The following ATG2B variants were observed in gnomAD, a reference collection of about 807,000 sequenced individuals.
ATG2B encodes autophagy related 2B.
ATG2B carries 121 observed loss-of-function variants against 241.3 expected under a neutral mutation model. The ratio of observed to expected loss-of-function variants is 0.50; its 90% confidence interval spans 0.43 to 0.58. The LOEUF is 0.58. Ranked by LOEUF, ATG2B falls within the 20% of genes least tolerant of loss-of-function variation. ATG2B has a pLI of 0.00. For synonymous variants in ATG2B, 858 were observed against 876.6 expected, an observed-to-expected ratio of 0.98 and a Z score of 0.37; for missense variants, 2,306 against 2,491.6, an observed-to-expected ratio of 0.93 and a Z score of 1.59.
At chr14:96,344,006 T>C (rs1888110166) in intron 4 of ATG2B, among the ~76,000 whole-genome samples, 1 of 152,244 alleles carries the variant, frequency 6.6e-6, no homozygotes, top group African/African-American at 2.4e-5. Context: ...TTCATCCTGC[T>C]CATTTCTGTT....
chr14:96,311,196 T>C lies in ATG2B; in HGVS notation c.4082A>G (p.Gln1361Arg). The stretch of plus-strand genomic sequence containing the variant: ...CAAGTCACCATAGCTTGCAATGTAC[T>C]GAATGAGATTCATTAACGCAGCACA... ...DSCAALMNLI[Q>R]YIASYGDLQT... Residue 1361 changes from glutamine to arginine, a missense_variant, in exon 28 of 42, where the codon CAG becomes CGG. Around this residue, in one of 2 missense-constraint regions of ATG2B, gnomAD observed 1,927 missense variants for 2,011.2 expected, o/e 0.96. Transcript: ENST00000359933. 1.9e-6 allele frequency: 3 copies of C among 1,614,074 alleles called. No homozygotes were observed. Among genetic ancestry groups the C allele is most frequent in the Non-Finnish European group, 2.5e-6 (3 of 1,179,932 alleles).
intron 34 of ATG2B, among the ~76,000 whole-genome samples, chr14:96,295,891 A>G (rs1377136588): frequency 1.3e-5 from 2 of 152,236 alleles, no homozygotes; most frequent in Non-Finnish European, 2.9e-5. Context: ...TTAGAAATGG[A>G]GCACTCTCAC....
intron 4 of ATG2B, 58 bp from the exon 5 acceptor site, chr14:96,343,339 T>A: frequency 7.6e-7 from 1 of 1,320,856 alleles, no homozygotes; most frequent in Admixed American, 2.4e-5. Context: ...CGCACCAGCA[T>A]GGCACATGTA....
intron 1 of ATG2B, among the ~76,000 whole-genome samples, chr14:96,353,636 CA>C (rs1888393832): frequency 7.7e-6 from 1 of 129,694 alleles, no homozygotes. Context: ...AAAAAAATTT[CA>C]TATTTTATAT....
At position 96,347,057 on chromosome 14, in the gene ATG2B, T is replaced by G. The variant is rs538437550; in HGVS notation, c.325+122A>C. The stretch of plus-strand genomic sequence containing the variant: ...CATTCTACAAAGAGCCAAGTCGTAA[T>G]GTATTATCAACTGAAAATTTCACAA... On this transcript the variant is annotated intron_variant, in intron 2 of 41. Coordinates refer to ENST00000359933, the MANE Select transcript of ATG2B (RefSeq NM_018036.7). 5 of 783,068 alleles carry G rather than the reference T, an allele frequency of 6.4e-6. No individual in the cohort carries two copies. In the African/African-American group the frequency reaches 6.9e-5, roughly 11 times the overall value. The allele number at this position is 783,068 out of a possible 1,614,324, so 48.5% of individuals were successfully genotyped here.
intron 34 of ATG2B, 100 bp downstream of exon 34, chr14:96,301,907 C>T (rs1436952333): frequency 8.9e-6 from 8 of 902,152 alleles, no homozygotes; most frequent in South Asian, 5.0e-5. Flanking sequence ...TATATGTAAC[C>T]GCCATAAAAG....
At chr14:96,331,786 ACTG>A (rs1336873531) in intron 10 of ATG2B, 149 bp from the exon 11 acceptor site, 4 of 678,958 alleles carry the variant, frequency 5.9e-6, no homozygotes, top group East Asian at 5.8e-5. Flanking sequence ...AGTAAAATCA[ACTG>A]CTATCTTGCT....
intron 1 of ATG2B, among the ~76,000 whole-genome samples, chr14:96,354,292 C>A (rs1947167770): frequency 6.6e-6 from 1 of 152,192 alleles, no homozygotes; most frequent in African/African-American, 2.4e-5. Context: ...CACTCCTCAC[C>A]CTCTGACAGG....
At chr14:96,309,774 A>G (rs1370057760) in intron 28 of ATG2B, among the ~76,000 whole-genome samples, 180 bp from the exon 29 acceptor site, 1 of 152,194 alleles carries the variant, frequency 6.6e-6, no homozygotes, top group African/African-American at 2.4e-5. Context: ...CACCCTAACA[A>G]ATACTGGCAA....
chr14:96,306,633 A>G (rs1886956698), intron 30 of ATG2B, 81 bp downstream of exon 30: 2 of 1,239,144 alleles, frequency 1.6e-6, no homozygotes, highest in Non-Finnish European at 2.2e-6. Flanking sequence ...TTACAAAATC[A>G]ACAGAATTTT....
intron 35 of ATG2B, 136 bp downstream of exon 35, chr14:96,295,346 A>G: frequency 1.2e-6 from 1 of 852,402 alleles, no homozygotes; most frequent in Non-Finnish European, 1.8e-6. Context: ...GTATTCGCGA[A>G]TCAACAAAAA....
rs561454528 is a variant in ATG2B, at chr14:96,292,108, AAGG to A, written c.5427-13_5427-11del. 1,296 of 1,573,100 alleles carry A rather than the reference AAGG, an allele frequency of 8.2e-4. 2 individuals are homozygous for A. Among genetic ancestry groups the A allele is most frequent in the Non-Finnish European group, 5.3e-4 (612 of 1,153,886 alleles). On this transcript the variant is annotated splice_polypyrimidine_tract_variant and intron_variant, in intron 36 of 41. Transcript: ENST00000359933. ...CGTGAATCTAAATTCTCTGAAGATAAAGGAAGGAGGGAGTTATTTACATTTACA... is the reference window on the plus strand; with the variant it reads ...CGTGAATCTAAATTCTCTGAAGATAAAAGGAGGGAGTTATTTACATTTACA...
chr14:96,298,173 C>T (rs775534254), intron 34 of ATG2B, among the ~76,000 whole-genome samples: 1 of 152,130 alleles, frequency 6.6e-6, no homozygotes, highest in Non-Finnish European at 1.5e-5. Context: ...GGCTAATAAG[C>T]ACATAAAAAG....
intron 6 of ATG2B, among the ~76,000 whole-genome samples, chr14:96,338,184 T>C (rs927808575): frequency 6.6e-6 from 1 of 152,116 alleles, no homozygotes; most frequent in African/African-American, 2.4e-5. Flanking sequence ...AGGAGCCTTT[T>C]TGATGAGTCT....
intron 19 of ATG2B, 148 bp from the exon 20 acceptor site, chr14:96,317,465 T>C (rs569365346): frequency 1.5e-5 from 12 of 787,156 alleles, no homozygotes; most frequent in African/African-American, 1.2e-4. Flanking sequence ...CTCTTTAGCT[T>C]TGAACTTCAA....
intron 23 of ATG2B, 34 bp downstream of exon 23, chr14:96,315,120 A>T: frequency 6.6e-7 from 1 of 1,520,442 alleles, no homozygotes; most frequent in Non-Finnish European, 9.0e-7. Flanking sequence ...ACAAATTTTT[A>T]AATAAATTAA....
At chr14:96,357,729 G>A in intron 1 of ATG2B, among the ~76,000 whole-genome samples, 1 of 151,448 alleles carries the variant, frequency 6.6e-6, no homozygotes, top group Non-Finnish European at 1.5e-5. Flanking sequence ...TAAAAAAATG[G>A]CCCATCATAA....
rs148841485 is a variant in ATG2B, at chr14:96,321,462, C to T, written c.2879+650G>A. Among the ~76,000 whole-genome samples the T allele has an allele frequency of 4.2e-3, 646 of 152,248 alleles. 26 individuals are homozygous for T. In the South Asian group the frequency reaches 0.067, roughly 16 times the overall value. On this transcript the variant is annotated intron_variant, in intron 18 of 41. Transcript: ENST00000359933. The stretch of plus-strand genomic sequence containing the variant: ...TATGCCATACACTATTCTCAGAACT[C>T]TCCAAGTGTTATATCATTTAATCCT...
chr14:96,331,679 C>A, intron 10 of ATG2B, 42 bp from the exon 11 acceptor site: 1 of 1,404,754 alleles, frequency 7.1e-7, no homozygotes, highest in East Asian at 2.5e-5. Context: ...AAATTTGACA[C>A]ATAAAACTAT....
Sources: allele counts gnomAD v4.1 joint callset (sites outside exome capture counted in the v4.1 genomes callset), GRCh38; gene constraint gnomAD v4.1.1; regional missense constraint gnomAD v4.1.1; transcripts MANE v1.5; gene names NCBI Gene and HGNC (gene_info 2026-07-23, HGNC 2026-07-21).